SLC4A7: variants seen among roughly 807,000 people sequenced by gnomAD.
The protein encoded by SLC4A7 is solute carrier family 4 member 7.
A neutral mutation model predicts 137.6 loss-of-function variants in SLC4A7; 51 were observed. The ratio of observed to expected loss-of-function variants is 0.37; its 90% CI spans 0.30 to 0.47. The LOEUF is 0.47. SLC4A7 is among the 20% of genes least tolerant of loss of function. The pLI is 1.00. For synonymous variants in SLC4A7, 542 were observed against 518.6 expected (o/e 1.05, Z -0.61); for missense variants, 1,247 against 1,525.4 (o/e 0.82, Z 3.04).
chr3:27,432,286 T>C (rs963902101), intron 6 of SLC4A7, among the ~76,000 whole-genome samples: 1 of 152,178 alleles, frequency 6.6e-6, no homozygotes, highest in African/African-American at 2.4e-5. Flanking sequence ...AAACACAATG[T>C]CAATTTTAAA....
At chr3:27,456,868 C>G (rs1235882694) in intron 1 of SLC4A7, 9 of 1,380,446 alleles carry the variant, frequency 6.5e-6, no homozygotes, top group Non-Finnish European at 8.4e-6. Context: ...CTAATAACTA[C>G]AACTTACACA....
At position 27,448,716 on chromosome 3, in the gene SLC4A7, T is replaced by A. The variant is rs893973789; in HGVS notation, c.224A>T (p.His75Leu). 4 of 1,613,396 alleles carry A rather than the reference T, an allele frequency of 2.5e-6. 1 individual carries two copies. Among genetic ancestry groups the A allele is most frequent in the Middle Eastern group, 3.3e-4 (2 of 6,058 alleles). ...RRRHRHRGHKHHHRRRKDKES... is the reference protein window; with the variant it reads ...RRRHRHRGHKLHHRRRKDKES... ...TTTATCTTTTCTTCTCCGGTGGTGA[T>A]GTTTGTGTCCGCGATGCCTATGACG... Residue 75 changes from histidine (H) to leucine (L), a missense_variant, in exon 3 of 26, where the codon CAT becomes CTT. Physicochemically the swap from His to Leu is moderately conservative, Grantham distance 99. Coordinates refer to ENST00000454389, the MANE Select transcript of SLC4A7 (RefSeq NM_001321103.2).
Position 27,420,807 on chromosome 3 carries a change from C to T in SLC4A7, c.1425-20G>A, listed in dbSNP as rs1459327509. 7 of 1,550,762 alleles carry T rather than the reference C, an allele frequency of 4.5e-6. No individual in the cohort carries two copies. Among genetic ancestry groups the T allele is most frequent in the Non-Finnish European group, 5.3e-6 (6 of 1,123,862 alleles). On this transcript the variant is annotated intron_variant, in intron 9 of 25. Transcript: ENST00000454389. ...AAAAACCTAAGGAAATATGAAAATA[C>T]AGATTTTAAAATAAACATCATACAC...
chr3:27,454,764 TA>T (rs943577390), intron 1 of SLC4A7, among the ~76,000 whole-genome samples: 19 of 152,170 alleles, frequency 1.2e-4, no homozygotes, highest in African/African-American at 4.1e-4. Context: ...CTGCCTATTC[TA>T]AAAGGGATTA....
chr3:27,423,326 T>A (rs2055191662), intron 8 of SLC4A7, among the ~76,000 whole-genome samples: 1 of 152,212 alleles, frequency 6.6e-6, no homozygotes, highest in Admixed American at 6.5e-5. Context: ...TCTGGTATTT[T>A]ACTATAGCAA....
intron 9 of SLC4A7, 80 bp downstream of exon 9, chr3:27,421,542 C>A: frequency 1.9e-6 from 2 of 1,042,046 alleles, no homozygotes; most frequent in Non-Finnish European, 1.4e-6. Context: ...CATAAATCAA[C>A]ATGCTTGTTC....
chr3:27,452,302 TACA>T, intron 2 of SLC4A7, 112 bp downstream of exon 2: 1 of 678,968 alleles, frequency 1.5e-6, no homozygotes, highest in Non-Finnish European at 2.4e-6. Context: ...CGCTTTACCT[TACA>T]ACAATAACAA....
intron 7 of SLC4A7, among the ~76,000 whole-genome samples, chr3:27,425,537 G>A (rs2055493489): frequency 2.0e-5 from 3 of 149,356 alleles, no homozygotes; most frequent in South Asian, 2.1e-4. Context: ...TTAGCCTGGC[G>A]TGGTGGAGCA....
intron 5 of SLC4A7, among the ~76,000 whole-genome samples, chr3:27,435,350 T>C (rs537139352): frequency 2.0e-5 from 3 of 152,296 alleles, no homozygotes; most frequent in Admixed American, 1.3e-4. Context: ...TTCATTTTCA[T>C]TGCTCAACCT....
At chr3:27,405,094 G>T in intron 13 of SLC4A7, 131 bp from the exon 14 acceptor site, 1 of 459,212 alleles carries the variant, frequency 2.2e-6, no homozygotes, top group Non-Finnish European at 3.7e-6. Flanking sequence ...ACCACTTTGA[G>T]TTTTTAATTT....
intron 20 of SLC4A7, among the ~76,000 whole-genome samples, chr3:27,392,681 G>T (rs1030890868): frequency 1.4e-4 from 21 of 151,824 alleles, no homozygotes; most frequent in Non-Finnish European, 2.1e-4. Flanking sequence ...ACAAAAATTA[G>T]CTGGGCATGG....
intron 13 of SLC4A7, among the ~76,000 whole-genome samples, chr3:27,407,114 T>C (rs868767659): frequency 0.031 from 4,662 of 150,744 alleles, 233 homozygotes; most frequent in African/African-American, 0.11. Context: ...GAAGACCTTT[T>C]TTTTTTTTTT....
Position 27,424,038 on chromosome 3 carries a change from T to TTAC in SLC4A7, c.1264_1265insGTA (p.Ser421dup). The TTAC allele has an allele frequency of 6.7e-7, 1 of 1,503,214 alleles. No individual in the cohort carries two copies. Among genetic ancestry groups the TTAC allele is most frequent in the Admixed American group, 1.7e-5 (1 of 59,378 alleles). The allele number at this position is 1,503,214 out of a possible 1,614,324, so 93.1% of individuals were successfully genotyped here. A position where few individuals can be genotyped will look rare whatever the true frequency, so the allele number is the denominator to read the frequency against. ...ATTTTCAGTTAATGATAGAATTACC[T>TTAC]TGCTGAAGTCAACAGTACTATTTTC... On this transcript the variant is annotated inframe_insertion and splice_region_variant, in exon 8 of 26. Coordinates refer to ENST00000454389, the MANE Select transcript of SLC4A7 (RefSeq NM_001321103.2).
chr3:27,393,966 C>A (rs2051866604), intron 20 of SLC4A7, among the ~76,000 whole-genome samples: 1 of 151,998 alleles, frequency 6.6e-6, no homozygotes. Context: ...CATTTCCCCT[C>A]CCCCACAAAT....
At chr3:27,474,301 C>T (rs923245955) in intron 1 of SLC4A7, among the ~76,000 whole-genome samples, 1 of 152,132 alleles carries the variant, frequency 6.6e-6, no homozygotes, top group African/African-American at 2.4e-5. Flanking sequence ...AATAACAAAT[C>T]TACAGCAGAT....
At chr3:27,404,675 A>G (rs1484728698) in intron 14 of SLC4A7, among the ~76,000 whole-genome samples, 155 bp downstream of exon 14, 1 of 152,250 alleles carries the variant, frequency 6.6e-6, no homozygotes, top group Non-Finnish European at 1.5e-5. Context: ...TAAGAATGGA[A>G]GGGGCCAGAG....
Position 27,376,741 on chromosome 3 carries a change from G to A in SLC4A7, c.*23C>T. On this transcript the variant is annotated 3_prime_UTR_variant, in exon 26 of 26. Coordinates refer to ENST00000454389, the MANE Select transcript of SLC4A7 (RefSeq NM_001321103.2). ...ACATTACATATGTATATATCTATAT[G>A]TATAATGCCTCTTGGTTCAATTCTA... The A allele has an allele frequency of 7.1e-7, 1 of 1,415,018 alleles. No homozygotes were observed. The highest frequency in any genetic ancestry group is 1.0e-6 in the Non-Finnish European group (1 of 1,003,792). The allele number at this position is 1,415,018 out of a possible 1,614,324, so 87.7% of individuals were successfully genotyped here.
At chr3:27,477,031 G>C (rs1408611815) in intron 1 of SLC4A7, among the ~76,000 whole-genome samples, 1 of 152,204 alleles carries the variant, frequency 6.6e-6, no homozygotes, top group Non-Finnish European at 1.5e-5. Flanking sequence ...CTTAATTTCT[G>C]TAACATTAGC....
chr3:27,462,947 A>C (rs2058774178), intron 1 of SLC4A7: 1 of 152,316 alleles, frequency 6.6e-6, no homozygotes, highest in South Asian at 2.1e-4. Flanking sequence ...TATTATGAAC[A>C]ACGAGTTACA....
Sources: gnomAD v4.1 joint callset for allele counts (sites outside exome capture counted in the v4.1 genomes callset) on GRCh38, gnomAD v4.1.1 for gene constraint, MANE v1.5 for transcripts, NCBI Gene and HGNC (gene_info 2026-07-23, HGNC 2026-07-21) for gene names.